The following PFDN5 variants were observed in gnomAD, a reference collection of about 807,000 sequenced individuals.
The protein encoded by PFDN5 is prefoldin subunit 5, also known as c-myc binding protein.
Under a neutral mutation model 21.5 loss-of-function variants are expected in PFDN5, and 13 were observed. That is an observed-to-expected ratio of 0.60 (90% CI 0.39 to 0.96). The LOEUF is 0.96. PFDN5 is among the 40% of genes least tolerant of loss of function. The pLI is 0.00. For synonymous variants in PFDN5, 84 were observed against 68.9 expected, an observed-to-expected ratio of 1.22 and a Z score of -1.08; for missense variants, 188 against 186.2, an observed-to-expected ratio of 1.01 and a Z score of -0.06.
Position 53,295,853 on chromosome 12 carries a change from G to A in PFDN5, c.87G>A (p.Leu29=), listed in dbSNP as rs1406660937. The change falls in exon 2 of 6, where the codon TTG becomes TTA. Residue 29 remains leucine (L), a synonymous_variant. Transcript: ENST00000334478. ...GTCCTCTGTAGGAAGTGGAGTTCTT[G>A]TCCACGTCCATTGCTCAGCTCAAAG... The part of the protein sequence containing the change: ...KNQLDQEVEF[L]STSIAQLKVV... 3 of 1,598,344 alleles carry A rather than the reference G, an allele frequency of 1.9e-6. No individual in the cohort carries two copies. Among genetic ancestry groups the A allele is most frequent in the African/African-American group, 1.3e-5 (1 of 74,564 alleles).
At chr12:53,296,012 T>C in intron 2 of PFDN5, 71 bp downstream of exon 2, 5 of 958,662 alleles carry the variant, frequency 5.2e-6, no homozygotes, top group Non-Finnish European at 8.4e-6. Context: ...CCTAACCCAG[T>C]TTTTCTTACC....
chr12:53,297,289 C>T lies in PFDN5; in HGVS notation c.208-561C>T, dbSNP rs185212094. The T allele has an allele frequency of 4.8e-3, 746 of 154,682 alleles. 5 individuals carry two copies. The highest frequency in any genetic ancestry group is 9.1e-3 in the Non-Finnish European group (629 of 69,424). The allele number at this position is 154,682 out of a possible 1,614,324, so 9.6% of individuals were successfully genotyped here. ...ACTAAATATACAAAAATTAGCCAGG[C>T]GTGGTGGCACATGCTTGTAATCCCA... On this transcript the variant is annotated intron_variant, in intron 3 of 5. Coordinates refer to ENST00000334478, the MANE Select transcript of PFDN5 (RefSeq NM_002624.4).
intron 3 of PFDN5, chr12:53,296,528 T>G: frequency 1.7e-6 from 1 of 601,540 alleles, no homozygotes; most frequent in South Asian, 1.7e-5. Context: ...TCTGCCTCAG[T>G]CTCCCGAGTA....
Position 53,298,064 on chromosome 12 carries a change from ACTT to A in PFDN5, c.307_309del (p.Phe103del), listed in dbSNP as rs2121039478. Reference sequence around the variant, plus strand: ...TTGTAGACAGCTGAGGATGCCAAGGACTTCTTCAAGAGGAAGATAGATTTTCTA... The same window carrying A: ...TTGTAGACAGCTGAGGATGCCAAGGACTTCAAGAGGAAGATAGATTTTCTA... On this transcript the variant is annotated inframe_deletion, in exon 5 of 6. Transcript: ENST00000334478. The A allele has an allele frequency of 6.2e-7, 1 of 1,612,778 alleles. No individual in the cohort carries two copies. The highest frequency in any genetic ancestry group is 8.5e-7 in the Non-Finnish European group (1 of 1,178,776).
intron 3 of PFDN5, chr12:53,296,521 G>C: frequency 1.6e-6 from 1 of 616,540 alleles, no homozygotes; most frequent in South Asian, 1.7e-5. Context: ...AGATTCTTCT[G>C]CCTCAGTCTC....
Position 53,298,053 on chromosome 12 carries a change from G to A in PFDN5, c.291G>A (p.Glu97=), listed in dbSNP as rs760249436. ...GTGYYVEKTA[E]DAKDFFKRKI... is the part of the protein sequence containing the mutation. Reference sequence around the variant, plus strand: ...CACCTCTGATCTTGTAGACAGCTGAGGATGCCAAGGACTTCTTCAAGAGGA... The same window carrying A: ...CACCTCTGATCTTGTAGACAGCTGAAGATGCCAAGGACTTCTTCAAGAGGA... The change falls in exon 5 of 6, where the codon GAG becomes GAA. Residue 97 remains glutamate (E), a synonymous_variant. Coordinates refer to ENST00000334478, the MANE Select transcript of PFDN5 (RefSeq NM_002624.4). 6.2e-7 allele frequency: 1 copy of A among 1,611,176 alleles called. No individual in the cohort carries two copies. Among genetic ancestry groups the A allele is most frequent in the East Asian group, 2.2e-5 (1 of 44,872 alleles).
intron 2 of PFDN5, 80 bp downstream of exon 2, chr12:53,296,021 C>A: frequency 1.1e-6 from 1 of 904,794 alleles, no homozygotes; most frequent in Non-Finnish European, 1.8e-6. Context: ...GTTTTTCTTA[C>A]CTGAAACGAG....
chr12:53,296,209 C>T (rs777529155), intron 2 of PFDN5, 35 bp from the exon 3 acceptor site: 8 of 1,600,298 alleles, frequency 5.0e-6, no homozygotes, highest in Non-Finnish European at 6.8e-6. Context: ...GAGCCGCTAA[C>T]CTTCCCCAGG....
intron 4 of PFDN5, 47 bp from the exon 5 acceptor site, chr12:53,297,995 TGGC>T (rs1944175957): frequency 1.3e-6 from 2 of 1,562,000 alleles, no homozygotes; most frequent in Non-Finnish European, 1.8e-6. Flanking sequence ...GAGCGCAGCA[TGGC>T]CAGAGGGAGT....
At position 53,299,428 on chromosome 12, in the gene PFDN5, A is replaced by G. The variant is rs1944201276; in HGVS notation, c.*83A>G. 2 of 879,886 alleles carry G rather than the reference A, an allele frequency of 2.3e-6. No homozygotes were observed. The highest frequency in any genetic ancestry group is 2.4e-5 in the East Asian group (1 of 41,008). 54.5% of individuals were successfully genotyped at this position (879,886 alleles called of 1,614,324 possible). A position where few individuals can be genotyped will look rare whatever the true frequency, so the allele number is the denominator to read the frequency against. On this transcript the variant is annotated 3_prime_UTR_variant, in exon 6 of 6. Transcript: ENST00000334478. Reference sequence around the variant, plus strand: ...GGAAGGGTCTTGTGTTTTAATGCCAATAAATGTGCCAGCTGGGCAGAATGT... The same window carrying G: ...GGAAGGGTCTTGTGTTTTAATGCCAGTAAATGTGCCAGCTGGGCAGAATGT...
In PFDN5 at chr12:53,298,154, A is replaced by G; in HGVS notation, c.388+4A>G. ...GAGAAGCACGCCATGAAACAGGGTAAGTTTTTCCTGGGGCACCTCTTGACC... is the reference window on the plus strand; with the variant it reads ...GAGAAGCACGCCATGAAACAGGGTAGGTTTTTCCTGGGGCACCTCTTGACC... On this transcript the variant is annotated splice_donor_region_variant and intron_variant, in intron 5 of 5. Transcript: ENST00000334478. 1 of 1,585,252 alleles carries G rather than the reference A, an allele frequency of 6.3e-7. No homozygotes were observed. The highest frequency in any genetic ancestry group is 8.7e-7 in the Non-Finnish European group (1 of 1,153,670).
chr12:53,295,977 C>T, intron 2 of PFDN5, 36 bp downstream of exon 2: 5 of 1,265,326 alleles, frequency 4.0e-6, no homozygotes, highest in Non-Finnish European at 1.2e-6. Flanking sequence ...CCTAAAGTGG[C>T]GAACCTGCTT....
chr12:53,298,387 G>T (rs557932122), intron 5 of PFDN5: 2 of 444,228 alleles, frequency 4.5e-6, no homozygotes, highest in East Asian at 3.9e-5. Flanking sequence ...ATTTAATGAC[G>T]ATGGAATGGG....
Position 53,299,395 on chromosome 12 carries a change from T to A in PFDN5, c.*50T>A. The A allele has an allele frequency of 8.5e-7, 1 of 1,178,372 alleles. No individual in the cohort carries two copies. Among genetic ancestry groups the A allele is most frequent in the Non-Finnish European group, 1.3e-6 (1 of 797,992 alleles). 73.0% of individuals were successfully genotyped at this position (1,178,372 alleles called of 1,614,324 possible). ...GGGACACCCTTTGGGCGTGGCTTCCTGGTGATGGGAAGGGTCTTGTGTTTT... is the reference window on the plus strand; with the variant it reads ...GGGACACCCTTTGGGCGTGGCTTCCAGGTGATGGGAAGGGTCTTGTGTTTT... On this transcript the variant is annotated 3_prime_UTR_variant, in exon 6 of 6. Transcript: ENST00000334478.
chr12:53,297,244 C>T, intron 3 of PFDN5: 1 of 154,524 alleles, frequency 6.5e-6, no homozygotes, highest in Non-Finnish European at 1.4e-5. Flanking sequence ...GTCTGGCCAA[C>T]ATGGTGAAAC....
At chr12:53,299,173 T>C in intron 5 of PFDN5, 96 bp from the exon 6 acceptor site, 1 of 739,440 alleles carries the variant, frequency 1.4e-6, no homozygotes, top group Non-Finnish European at 2.3e-6. Context: ...AAACTGTAGT[T>C]AGTCGGTCGC....
chr12:53,296,565 C>T (rs1335602813), intron 3 of PFDN5: 4 of 492,034 alleles, frequency 8.1e-6, no homozygotes, highest in Admixed American at 7.0e-5. Flanking sequence ...CGCGCCACCA[C>T]GACCGGCTAA....
At position 53,295,604 on chromosome 12, in the gene PFDN5, C is replaced by T. The variant is rs745855012; in HGVS notation, c.37C>T (p.Pro13Ser). Residue 13 changes from proline to serine, a missense_variant, in exon 1 of 6, where the codon CCG becomes TCG. Transcript: ENST00000334478. The part of the protein sequence containing the change: ...QSINITELNL[P>S]QLEMLKNQLD... ...TATTAACATCACGGAGCTGAATCTGCCGCAGCTAGAAATGCTCAAGAACCA... is the reference window on the plus strand; with the variant it reads ...TATTAACATCACGGAGCTGAATCTGTCGCAGCTAGAAATGCTCAAGAACCA... The T allele has an allele frequency of 7.7e-5, 124 of 1,613,924 alleles. No homozygotes were observed. The highest frequency in any genetic ancestry group is 9.6e-5 in the Non-Finnish European group (113 of 1,179,928).
rs1374609115 is a variant in PFDN5 at position 53,296,227 on chromosome 12, C to T, written c.176-17C>T. 1 of 1,608,600 alleles carries T rather than the reference C, an allele frequency of 6.2e-7. No individual in the cohort carries two copies. The highest frequency in any genetic ancestry group is 1.1e-5 in the South Asian group (1 of 90,230). On this transcript the variant is annotated splice_polypyrimidine_tract_variant and intron_variant, in intron 2 of 5. Transcript: ENST00000334478. ...CCGCTAACCTTCCCCAGGTGTTTGT[C>T]TTCATTGCTTTCACAGGGAAAGAAT...
Sources: allele counts gnomAD v4.1 joint callset, GRCh38; gene constraint gnomAD v4.1.1; transcripts MANE v1.5; gene names NCBI Gene and HGNC (gene_info 2026-07-23, HGNC 2026-07-21).